ZFYVE9: variants seen among roughly 807,000 people sequenced by gnomAD.
The protein encoded by ZFYVE9 is zinc finger FYVE-type containing 9, also known as zinc finger FYVE domain-containing protein 9.
ZFYVE9 carries 43 observed loss-of-function variants against 126.7 expected under a neutral mutation model. The ratio of observed to expected loss-of-function variants is 0.34; its 90% CI spans 0.27 to 0.44. ZFYVE9 has a LOEUF of 0.44. ZFYVE9 is among the 20% of genes least tolerant of loss of function. ZFYVE9 has a pLI of 1.00. For synonymous variants in ZFYVE9, 521 were observed against 597.4 expected (o/e 0.87, Z 1.87); for missense variants, 1,476 against 1,697.0 (o/e 0.87, Z 2.29).
intron 1 of ZFYVE9, chr1:52,162,511 C>A: frequency 3.9e-6 from 1 of 259,648 alleles, no homozygotes; most frequent in South Asian, 6.0e-5. Flanking sequence ...TCCTTTGAGT[C>A]ATCTATTCCC....
At chr1:52,229,073 A>G (rs1193069791) in intron 2 of ZFYVE9, among the ~76,000 whole-genome samples, 1 of 152,048 alleles carries the variant, frequency 6.6e-6, no homozygotes, top group African/African-American at 2.4e-5. Context: ...GATGTTGCCC[A>G]GGCTGCTCTT....
intron 10 of ZFYVE9, among the ~76,000 whole-genome samples, chr1:52,293,075 T>C (rs1014224389): frequency 1.3e-5 from 2 of 152,084 alleles, no homozygotes; most frequent in Admixed American, 6.6e-5. Flanking sequence ...TTGCATAATG[T>C]TTATTAAAAA....
At chr1:52,263,917 A>C (rs187077535) in intron 5 of ZFYVE9, 45 bp downstream of exon 5, 146 of 1,342,288 alleles carry the variant, frequency 1.1e-4, no homozygotes, top group Non-Finnish European at 1.3e-4. Context: ...GAGACAAAAC[A>C]AGGGAATTAC....
chr1:52,299,068 A>G (rs1316037311), intron 12 of ZFYVE9, among the ~76,000 whole-genome samples: 1 of 151,998 alleles, frequency 6.6e-6, no homozygotes, highest in East Asian at 1.9e-4. Flanking sequence ...TCTGCCTCCT[A>G]AAGTGCTGGG....
chr1:52,289,485 A>G (rs1645896732), intron 10 of ZFYVE9, among the ~76,000 whole-genome samples: 1 of 152,196 alleles, frequency 6.6e-6, no homozygotes, highest in African/African-American at 2.4e-5. Flanking sequence ...AAGATTTGGT[A>G]TCTATTTTGG....
At chr1:52,296,822 G>A (rs1315888610) in intron 12 of ZFYVE9, among the ~76,000 whole-genome samples, 1 of 151,862 alleles carries the variant, frequency 6.6e-6, no homozygotes, top group East Asian at 1.9e-4. Context: ...TGTTTGTTTT[G>A]TTTTATTTTG....
chr1:52,269,094 C>T (rs762730901), intron 7 of ZFYVE9, among the ~76,000 whole-genome samples: 2 of 152,152 alleles, frequency 1.3e-5, no homozygotes, highest in Non-Finnish European at 2.9e-5. Flanking sequence ...ACTGACACAT[C>T]GTAGCCAACC....
Position 52,303,932 on chromosome 1 carries a change from T to G in ZFYVE9, c.3438+7T>G. 1 of 1,579,686 alleles carries G rather than the reference T, an allele frequency of 6.3e-7. No homozygotes were observed. The highest frequency in any genetic ancestry group is 8.6e-7 in the Non-Finnish European group (1 of 1,163,328). ...CAGCAACAGATACAATGAGGTAAGATTTACCATGAAGGCGTATTTTTCATA... is the reference window on the plus strand; with the variant it reads ...CAGCAACAGATACAATGAGGTAAGAGTTACCATGAAGGCGTATTTTTCATA... On this transcript the variant is annotated splice_region_variant and intron_variant, in intron 13 of 18. Coordinates refer to ENST00000287727, the MANE Select transcript of ZFYVE9 (RefSeq NM_004799.4).
chr1:52,156,905 T>C (rs1457760353), intron 1 of ZFYVE9, among the ~76,000 whole-genome samples: 1 of 151,674 alleles, frequency 6.6e-6, no homozygotes, highest in Non-Finnish European at 1.5e-5. Flanking sequence ...TGATCTTGGC[T>C]CACTGCAAGC....
At chr1:52,278,065 C>G (rs1174933182) in intron 8 of ZFYVE9, among the ~76,000 whole-genome samples, 6 of 152,174 alleles carry the variant, frequency 3.9e-5, no homozygotes, top group Non-Finnish European at 8.8e-5. Flanking sequence ...GTAGGGCTCT[C>G]TTCTACCCCA....
chr1:52,195,501 A>G (rs1644851448), intron 1 of ZFYVE9, among the ~76,000 whole-genome samples: 1 of 152,188 alleles, frequency 6.6e-6, no homozygotes, highest in Non-Finnish European at 1.5e-5. Flanking sequence ...GCATTAAGAG[A>G]AGATCTCTGC....
At chr1:52,260,038 A>G (rs1645563963) in intron 4 of ZFYVE9, among the ~76,000 whole-genome samples, 1 of 61,016 alleles carries the variant, frequency 1.6e-5, no homozygotes, top group Non-Finnish European at 3.6e-5. Context: ...CTCTTTGCAC[A>G]TGTGGATGTT....
At chr1:52,297,853 G>C (rs1461709830) in intron 12 of ZFYVE9, among the ~76,000 whole-genome samples, 1 of 151,902 alleles carries the variant, frequency 6.6e-6, no homozygotes, top group Non-Finnish European at 1.5e-5. Context: ...CTCCCCAGTA[G>C]CTGGAATTAC....
intron 4 of ZFYVE9, among the ~76,000 whole-genome samples, chr1:52,262,926 A>G (rs1357919665): frequency 6.6e-6 from 1 of 151,976 alleles, no homozygotes; most frequent in Middle Eastern, 3.2e-3. Context: ...ACAAAAAAAA[A>G]TTAGCCAGGC....
At chr1:52,344,648 C>G in intron 17 of ZFYVE9, 120 bp from the exon 18 acceptor site, 1 of 1,064,424 alleles carries the variant, frequency 9.4e-7, no homozygotes, top group East Asian at 2.5e-5. Flanking sequence ...TTATGGTGTC[C>G]TGTTCCTGTC....
rs576189714 is a variant in ZFYVE9 at position 52,184,093 on chromosome 1, G to A, written c.-142-32276G>A. On this transcript the variant is annotated intron_variant, in intron 1 of 18. Coordinates refer to ENST00000287727, the MANE Select transcript of ZFYVE9 (RefSeq NM_004799.4). The stretch of plus-strand genomic sequence containing the variant: ...GAGTTATGTCATAAATTCACACAAC[G>A]GTCAGGTGATTTGATATAGTTCACC... 6.0e-5 allele frequency among the ~76,000 whole-genome samples: 9 copies of A among 150,890 alleles called. No individual in the cohort carries two copies. The South Asian group carries it at 1.0e-3, about 17-fold the overall frequency.
intron 1 of ZFYVE9, among the ~76,000 whole-genome samples, chr1:52,191,740 C>T (rs1644818099): frequency 6.6e-6 from 1 of 152,182 alleles, no homozygotes; most frequent in Non-Finnish European, 1.5e-5. Flanking sequence ...CATTACACCA[C>T]ATTGTCTCGT....
Position 52,269,824 on chromosome 1 carries a change from A to G in ZFYVE9, c.2625+1192A>G, listed in dbSNP as rs573407801. 4.6e-5 allele frequency among the ~76,000 whole-genome samples: 7 copies of G among 150,628 alleles called. No homozygotes were observed. The South Asian group carries it at 1.3e-3, about 27-fold the overall frequency. On this transcript the variant is annotated intron_variant, in intron 7 of 18. Transcript: ENST00000287727. ...TTTTTTTGAGACAAGGTCTCACTCT[A>G]TCGCCCAGGCTCCAGTATAGTGCCG...
At chr1:52,332,369 AAAAG>A (rs1031202712) in intron 13 of ZFYVE9, among the ~76,000 whole-genome samples, 56 of 152,196 alleles carry the variant, frequency 3.7e-4, no homozygotes, top group African/African-American at 1.2e-3. Flanking sequence ...TGGAAGTTGA[AAAAG>A]AAAGCAGATG....
Sources: gnomAD v4.1 joint callset for allele counts (sites outside exome capture counted in the v4.1 genomes callset) on GRCh38, gnomAD v4.1.1 for gene constraint, MANE v1.5 for transcripts, NCBI Gene and HGNC (gene_info 2026-07-23, HGNC 2026-07-21) for gene names.